Variants in PRDM10 observed in about 807,000 individuals in gnomAD.
PRDM10 encodes PR domain zinc finger protein 10.
In PRDM10, 65 loss-of-function variants were observed where a neutral mutation model predicts 133.1. The observed-to-expected ratio is 0.49, with a 90% confidence interval of 0.40 to 0.60. PRDM10 has a LOEUF of 0.60. PRDM10 is among the 20% of genes least tolerant of loss of function. The probability of loss-of-function intolerance (pLI) is 0.00; values close to 1 mark genes in which losing one functional copy is unlikely to be tolerated. For missense variants in PRDM10, 1,137 were observed against 1,507.1 expected (o/e 0.75, Z 4.07); for synonymous variants, 582 against 580.4 (o/e 1.00, Z -0.04).
intron 1 of PRDM10, among the ~76,000 whole-genome samples, chr11:129,991,225 GAA>G (rs1340471113): frequency 6.6e-6 from 1 of 152,152 alleles, no homozygotes; most frequent in East Asian, 1.9e-4. Context: ...GTCTCATCCA[GAA>G]AAGACTTATT....
intron 7 of PRDM10, 83 bp downstream of exon 7, chr11:129,942,343 C>A: frequency 6.9e-7 from 1 of 1,439,980 alleles, no homozygotes; most frequent in Non-Finnish European, 9.4e-7. Context: ...TAAACAAACC[C>A]ACTTTAGGAA....
Position 129,910,544 on chromosome 11 carries a change from T to C in PRDM10, c.3095A>G (p.Gln1032Arg), listed in dbSNP as rs1334580616. Residue 1032 changes from glutamine to arginine, a missense_variant, in exon 19 of 21, where the codon CAG becomes CGG. By Grantham distance (43) the Gln-to-Arg change is conservative. Coordinates refer to ENST00000360871, the MANE Select transcript of PRDM10 (RefSeq NM_199437.2). ...CTGCACAGAGGAATTCTGCTGCTGC[T>C]GCTGCTGCTGCTGCAGAGCCTGCCC... ...TQGQALQQQQ[Q>R]QQQNSSVQHT... The C allele has an allele frequency of 6.2e-7, 1 of 1,613,684 alleles. No individual in the cohort carries two copies. The highest frequency in any genetic ancestry group is 1.7e-5 in the Admixed American group (1 of 60,022).
intron 4 of PRDM10, among the ~76,000 whole-genome samples, chr11:129,950,770 A>G (rs1951561763): frequency 6.6e-6 from 1 of 152,240 alleles, no homozygotes; most frequent in Non-Finnish European, 1.5e-5. Context: ...CTCGCTCTGC[A>G]GAGCCAACCT....
Position 129,977,433 on chromosome 11 carries a change from G to A in PRDM10, c.-118-16351C>T, listed in dbSNP as rs529607465. Among the ~76,000 whole-genome samples, 288 of 151,996 alleles carry A rather than the reference G, an allele frequency of 1.9e-3. 2 individuals are homozygous for A. Among genetic ancestry groups the A allele is most frequent in the African/African-American group, 6.6e-3 (272 of 41,468 alleles). Reference sequence around the variant, plus strand: ...CCAGTAGCTGGGATTACACACACCCGCCACCATGCCCAGCTGATTTTTGTA... The same window carrying A: ...CCAGTAGCTGGGATTACACACACCCACCACCATGCCCAGCTGATTTTTGTA... On this transcript the variant is annotated intron_variant, in intron 1 of 20. Transcript: ENST00000360871.
At chr11:129,963,313 G>A (rs1161949221) in intron 1 of PRDM10, among the ~76,000 whole-genome samples, 1 of 151,804 alleles carries the variant, frequency 6.6e-6, no homozygotes, top group Non-Finnish European at 1.5e-5. Context: ...GAGGCTGAGG[G>A]GGAGGATCCC....
chr11:129,920,143 G>A (rs754887158), intron 13 of PRDM10, among the ~76,000 whole-genome samples: 8 of 151,924 alleles, frequency 5.3e-5, no homozygotes, highest in South Asian at 2.1e-4. Flanking sequence ...ACTAGTTCCC[G>A]TCTATTCCCT....
intron 1 of PRDM10, among the ~76,000 whole-genome samples, chr11:129,967,706 C>T (rs1951935325): frequency 6.6e-6 from 1 of 152,122 alleles, no homozygotes; most frequent in Non-Finnish European, 1.5e-5. Flanking sequence ...CTTTGCAGCT[C>T]ACCCCATGGC....
chr11:129,963,080 C>T (rs1035920468), intron 1 of PRDM10, among the ~76,000 whole-genome samples: 1 of 148,902 alleles, frequency 6.7e-6, no homozygotes. Context: ...GTCTGGGAGG[C>T]GGAGGTTACA....
At chr11:129,979,833 C>A (rs1938004967) in intron 1 of PRDM10, among the ~76,000 whole-genome samples, 2 of 152,202 alleles carry the variant, frequency 1.3e-5, no homozygotes, top group African/African-American at 4.8e-5. Flanking sequence ...CCATCCTTTA[C>A]CTCCTCCGCC....
chr11:129,954,490 C>T (rs1951658548), intron 4 of PRDM10, among the ~76,000 whole-genome samples: 1 of 151,926 alleles, frequency 6.6e-6, no homozygotes, highest in South Asian at 2.1e-4. Context: ...GTCTCGAACT[C>T]CTGACCTCAA....
chr11:129,972,015 C>T (rs1340417427), intron 1 of PRDM10, among the ~76,000 whole-genome samples: 1 of 152,248 alleles, frequency 6.6e-6, no homozygotes, highest in Non-Finnish European at 1.5e-5. Flanking sequence ...AAATCGAGTG[C>T]AGCGCCAGTG....
chr11:129,918,681 T>C lies in PRDM10; in HGVS notation c.2072A>G (p.His691Arg). 6.2e-7 allele frequency: 1 copy of C among 1,614,118 alleles called. No homozygotes were observed. Among genetic ancestry groups the C allele is most frequent in the Non-Finnish European group, 8.5e-7 (1 of 1,179,972 alleles). The change falls in exon 14 of 21, where the codon CAT becomes CGT. Residue 691 changes from histidine to arginine, a missense_variant. His to Arg is a conservative substitution (Grantham distance 29, BLOSUM62 0). Around this residue, in one of 6 missense-constraint regions of PRDM10, gnomAD observed 78 missense variants for 96.4 expected, o/e 0.81. Transcript: ENST00000360871. This position sits in a 1 kb window ranked among gnomAD's most constrained non-coding sequence, Gnocchi z 5.3. The part of the protein sequence containing the change: ...DKLREHMQRM[H>R]NPEREAKKAD... ...TTTCTTGGCCTCCCTCTCAGGATTA[T>C]GCATCCTCTGCATGTGTTCCCGTAG... is the stretch of plus-strand genomic sequence containing the variant.
chr11:130,001,881 T>C (rs1420022108), intron 1 of PRDM10, among the ~76,000 whole-genome samples: 1 of 151,702 alleles, frequency 6.6e-6, no homozygotes, highest in Non-Finnish European at 1.5e-5. Context: ...GGCCTCGGCC[T>C]CCGCCTCCGC....
At chr11:129,996,275 C>T (rs1191648800) in intron 1 of PRDM10, among the ~76,000 whole-genome samples, 2 of 152,228 alleles carry the variant, frequency 1.3e-5, no homozygotes, top group Non-Finnish European at 2.9e-5. Context: ...ATGGTCTTGA[C>T]ACTTCAACAA....
At chr11:129,952,327 A>G (rs1284690516) in intron 4 of PRDM10, among the ~76,000 whole-genome samples, 1 of 152,222 alleles carries the variant, frequency 6.6e-6, no homozygotes, top group East Asian at 1.9e-4. Context: ...CAGTGTGGCA[A>G]GAGTGTGTGG....
At chr11:129,904,943 T>C (rs529149146) in intron 20 of PRDM10, among the ~76,000 whole-genome samples, 14 of 152,220 alleles carry the variant, frequency 9.2e-5, no homozygotes, top group Non-Finnish European at 1.9e-4. Flanking sequence ...TTTATGGCAA[T>C]GTTTTTCACT....
At chr11:129,977,620 G>A (rs12283971) in intron 1 of PRDM10, among the ~76,000 whole-genome samples, 36,165 of 151,978 alleles carry the variant, frequency 0.24, 7,391 homozygotes, top group East Asian at 0.57. Flanking sequence ...TAAACTAAAC[G>A]TACCTTTAGT....
intron 4 of PRDM10, among the ~76,000 whole-genome samples, chr11:129,951,970 A>G (rs1362183275): frequency 6.6e-6 from 1 of 152,158 alleles, no homozygotes; most frequent in Non-Finnish European, 1.5e-5. Flanking sequence ...TTCAACCCTC[A>G]ATCTAACTTT....
At chr11:129,959,522 G>A (rs189158743) in intron 2 of PRDM10, among the ~76,000 whole-genome samples, 2 of 152,272 alleles carry the variant, frequency 1.3e-5, no homozygotes, top group Non-Finnish European at 2.9e-5. Flanking sequence ...GGAGGAAGGA[G>A]TGCCACAGGG....
Sources: gnomAD v4.1 joint callset for allele counts (sites outside exome capture counted in the v4.1 genomes callset) on GRCh38, gnomAD v4.1.1 for gene constraint, gnomAD v4.1.1 regional missense constraint, Gnocchi (gnomAD v3.1) non-coding constraint, MANE v1.5 for transcripts, NCBI Gene and HGNC (gene_info 2026-07-23, HGNC 2026-07-21) for gene names.